The following PLPPR5 variants were observed in gnomAD, a reference collection of about 807,000 sequenced individuals.
PLPPR5 encodes phospholipid phosphatase-related protein type 5.
A neutral mutation model predicts 33.9 loss-of-function variants in PLPPR5; 16 were observed. That is an observed-to-expected ratio of 0.47 (90% confidence interval 0.32 to 0.72). The LOEUF is 0.72. PLPPR5 is among the 30% of genes least tolerant of loss of function. PLPPR5 has a pLI of 0.03. For synonymous variants in PLPPR5, 163 were observed against 150.3 expected, an observed-to-expected ratio of 1.08 and a Z score of -0.62; for missense variants, 301 against 406.7, an observed-to-expected ratio of 0.74 and a Z score of 2.23.
At position 98,989,696 on chromosome 1, in the gene PLPPR5, G is replaced by A. The variant is rs148506278; in HGVS notation, c.237+14739C>T. 5.4e-3 allele frequency among the ~76,000 whole-genome samples: 822 copies of A among 152,232 alleles called. 3 individuals carry two copies. The highest frequency in any genetic ancestry group is 0.014 in the Middle Eastern group (4 of 294). ...CTGCCCTTCCAAGAAATCAGAATAA[G>A]AGACAATAGCCAAAACCCCAAACAA... On this transcript the variant is annotated intron_variant, in intron 1 of 5. Coordinates refer to ENST00000263177, the MANE Select transcript of PLPPR5 (RefSeq NM_001037317.2).
rs1472504668 is a variant in PLPPR5, at chr1:98,953,190, A to G, written c.501T>C (p.Tyr167=). 5.6e-6 allele frequency: 9 copies of G among 1,614,006 alleles called. No individual in the cohort carries two copies. Among genetic ancestry groups the G allele is most frequent in the African/African-American group, 1.3e-5 (1 of 74,904 alleles). ...PNYTALGCQQ[Y]TQFISGEEAC... The stretch of plus-strand genomic sequence containing the variant: ...CCTCTTCCCCACTGATGAATTGTGT[A>G]TACTGCTGACATCCAAGTGCTGTAT... The change falls in exon 3 of 6, where the codon TAT becomes TAC. Residue 167 remains tyrosine (Y), a synonymous_variant. Coordinates refer to ENST00000263177, the MANE Select transcript of PLPPR5 (RefSeq NM_001037317.2).
Position 98,914,820 on chromosome 1 carries a change from A to G in PLPPR5, c.899T>C (p.Val300Ala), listed in dbSNP as rs1163342157. Reference protein sequence around the residue: ...AQMPMISIPRVESPLEKVTSV... With the variant: ...AQMPMISIPRAESPLEKVTSV... ...TGTTACCTTTTCCAAAGGACTTTCT[A>G]CTCGAGGAATGCTGATCATTGGCAT... Residue 300 changes from valine to alanine, a missense_variant, in exon 5 of 6, where the codon GTA becomes GCA. Val to Ala is a moderately conservative substitution (Grantham distance 64). Coordinates refer to ENST00000263177, the MANE Select transcript of PLPPR5 (RefSeq NM_001037317.2). 1 of 1,613,126 alleles carries G rather than the reference A, an allele frequency of 6.2e-7. No homozygotes were observed. The highest frequency in any genetic ancestry group is 1.1e-5 in the South Asian group (1 of 91,030).
Position 98,988,926 on chromosome 1 carries a change from C to G in PLPPR5, c.237+15509G>C, listed in dbSNP as rs374518726. 1.4e-4 allele frequency among the ~76,000 whole-genome samples: 21 copies of G among 152,154 alleles called. No individual in the cohort carries two copies. In the South Asian group the frequency reaches 4.4e-3, roughly 32 times the overall value. On this transcript the variant is annotated intron_variant, in intron 1 of 5. Transcript: ENST00000263177. ...TGAACTAAGGAATCCTTTAGTCCACCCAGCACGTAACTTTAGCAACATCCC... is the reference window on the plus strand; with the variant it reads ...TGAACTAAGGAATCCTTTAGTCCACGCAGCACGTAACTTTAGCAACATCCC...
chr1:99,003,693 CACAT>C, intron 1 of PLPPR5, among the ~76,000 whole-genome samples: 1 of 152,224 alleles, frequency 6.6e-6, no homozygotes, highest in Non-Finnish European at 1.5e-5. Context: ...CTCTCACACA[CACAT>C]ACACTCAATA....
At chr1:98,986,491 A>C (rs1283482150) in intron 1 of PLPPR5, among the ~76,000 whole-genome samples, 1 of 151,898 alleles carries the variant, frequency 6.6e-6, no homozygotes, top group Non-Finnish European at 1.5e-5. Context: ...TGGATGTGAG[A>C]AAAGTAAGGC....
At chr1:98,989,878 A>G (rs891930197) in intron 1 of PLPPR5, among the ~76,000 whole-genome samples, 1 of 152,126 alleles carries the variant, frequency 6.6e-6, no homozygotes, top group African/African-American at 2.4e-5. Flanking sequence ...GCTCATTGGA[A>G]CTCACTCTGT....
chr1:98,953,018 A>C, intron 3 of PLPPR5, 52 bp downstream of exon 3: 1 of 1,586,942 alleles, frequency 6.3e-7, no homozygotes. Flanking sequence ...TCTACATTGG[A>C]AAAATTAACA....
intron 1 of PLPPR5, among the ~76,000 whole-genome samples, chr1:98,979,699 G>T (rs1651988091): frequency 6.6e-6 from 1 of 152,026 alleles, no homozygotes. Flanking sequence ...CTGGTAATCT[G>T]ATGTGGGGCT....
intron 1 of PLPPR5, among the ~76,000 whole-genome samples, chr1:98,980,701 A>G (rs1456888375): frequency 6.6e-6 from 1 of 152,098 alleles, no homozygotes; most frequent in African/African-American, 2.4e-5. Context: ...TTTTCAATTT[A>G]TAGTGAGAAG....
chr1:98,981,821 C>A (rs753010373), intron 1 of PLPPR5, among the ~76,000 whole-genome samples: 53 of 152,138 alleles, frequency 3.5e-4, no homozygotes, highest in Middle Eastern at 6.8e-3. Flanking sequence ...TGATATTTCA[C>A]AAATTAGGAA....
At chr1:98,920,156 C>T (rs899075047) in intron 4 of PLPPR5, among the ~76,000 whole-genome samples, 4 of 152,050 alleles carry the variant, frequency 2.6e-5, no homozygotes, top group African/African-American at 9.7e-5. Context: ...ATTCACCAGA[C>T]AGGGAAGTGA....
intron 3 of PLPPR5, among the ~76,000 whole-genome samples, chr1:98,926,010 T>C (rs1401268472): frequency 2.6e-5 from 4 of 152,130 alleles, no homozygotes; most frequent in African/African-American, 9.7e-5. Context: ...TGGAGAACCT[T>C]TTTCTTTCTC....
At chr1:99,001,326 G>A (rs747169097) in intron 1 of PLPPR5, among the ~76,000 whole-genome samples, 9 of 151,558 alleles carry the variant, frequency 5.9e-5, no homozygotes, top group African/African-American at 1.9e-4. Context: ...TAGTAGAGAC[G>A]GGGTTTCACC....
intron 5 of PLPPR5, among the ~76,000 whole-genome samples, chr1:98,908,830 C>T (rs920104798): frequency 1.3e-5 from 2 of 152,252 alleles, no homozygotes; most frequent in Non-Finnish European, 2.9e-5. Flanking sequence ...AAACCAAACA[C>T]TTTCAGAAAG....
At chr1:98,910,888 GTT>G (rs66793213) in intron 5 of PLPPR5, among the ~76,000 whole-genome samples, 40,805 of 142,198 alleles carry the variant, frequency 0.29, 5,775 homozygotes, top group Middle Eastern at 0.35. Flanking sequence ...GCCAGAGAGT[GTT>G]TTTTTTTTTT....
intron 3 of PLPPR5, among the ~76,000 whole-genome samples, chr1:98,945,551 C>G (rs1043310672): frequency 9.9e-5 from 15 of 152,142 alleles, no homozygotes; most frequent in Non-Finnish European, 1.6e-4. Context: ...TGGCCTGGGT[C>G]ACATTCCTGG....
chr1:99,003,064 T>C (rs1159872630), intron 1 of PLPPR5, among the ~76,000 whole-genome samples: 2 of 98,958 alleles, frequency 2.0e-5, no homozygotes, highest in Non-Finnish European at 4.5e-5. Context: ...TACATATATA[T>C]ATATATATAT....
chr1:98,929,372 G>A (rs1557672731), intron 3 of PLPPR5, among the ~76,000 whole-genome samples: 2 of 152,118 alleles, frequency 1.3e-5, no homozygotes, highest in Non-Finnish European at 2.9e-5. Flanking sequence ...CTAACTTATG[G>A]GCATGGGGAT....
At chr1:99,003,069 ATATATATATATATATATATATATATATG>A (rs1652924910) in intron 1 of PLPPR5, among the ~76,000 whole-genome samples, 1 of 114,554 alleles carries the variant, frequency 8.7e-6, no homozygotes, top group South Asian at 2.9e-4. Flanking sequence ...ATATATATAT[ATATATATATATATATATATATATATATG>A]TAAAACATTA....
Sources: allele counts gnomAD v4.1 joint callset (sites outside exome capture counted in the v4.1 genomes callset), GRCh38; gene constraint gnomAD v4.1.1; transcripts MANE v1.5; gene names NCBI Gene and HGNC (gene_info 2026-07-23, HGNC 2026-07-21).